Variants in SPAG16 observed in about 807,000 individuals in gnomAD.
SPAG16 encodes sperm-associated antigen 16 protein.
In SPAG16, 86 loss-of-function variants were observed where a neutral mutation model predicts 80.4. That is an observed-to-expected ratio of 1.07 (90% CI 0.90 to 1.28). SPAG16 has a LOEUF of 1.28. Ranked by LOEUF, SPAG16 falls within the 50% of genes most tolerant of loss-of-function variation. The pLI is 0.00. For synonymous variants in SPAG16, 294 were observed against 265.9 expected (o/e 1.11, Z -1.03); for missense variants, 870 against 765.3 (o/e 1.14, Z -1.61).
intron 10 of SPAG16, among the ~76,000 whole-genome samples, chr2:213,588,451 A>ATT (rs56944461): frequency 2.8e-5 from 4 of 144,100 alleles, no homozygotes; most frequent in Non-Finnish European, 1.5e-5. Flanking sequence ...TTTATTTGTG[A>ATT]TTTTTTTTTT....
At chr2:214,021,355 C>A (rs1206753839) in intron 13 of SPAG16, among the ~76,000 whole-genome samples, 1 of 152,178 alleles carries the variant, frequency 6.6e-6, no homozygotes, top group African/African-American at 2.4e-5. Flanking sequence ...ATTGGACTCA[C>A]AGTTTCAGGT....
At chr2:213,985,190 G>A (rs2045944712) in intron 12 of SPAG16, among the ~76,000 whole-genome samples, 1 of 152,040 alleles carries the variant, frequency 6.6e-6, no homozygotes, top group African/African-American at 2.4e-5. Flanking sequence ...AAATTAAGAA[G>A]TGGGTCCCTA....
At chr2:214,008,402 A>T (rs116537338) in intron 12 of SPAG16, among the ~76,000 whole-genome samples, 3,697 of 152,174 alleles carry the variant, frequency 0.024, 148 homozygotes, top group African/African-American at 0.085. Context: ...TGTATGGATT[A>T]CATTTTTACC....
chr2:214,166,280 C>A (rs2056652687), intron 15 of SPAG16, among the ~76,000 whole-genome samples: 1 of 152,172 alleles, frequency 6.6e-6, no homozygotes, highest in Admixed American at 6.5e-5. Context: ...ATTCTATGTT[C>A]TTCTCTGCCT....
In SPAG16 at chr2:213,564,922, C is replaced by T. The variant is rs141069282; in HGVS notation, c.1070+74832C>T. Among the ~76,000 whole-genome samples, 270 of 152,258 alleles carry T rather than the reference C, an allele frequency of 1.8e-3. 1 individual carries two copies. The highest frequency in any genetic ancestry group is 6.3e-3 in the African/African-American group (261 of 41,550). On this transcript the variant is annotated intron_variant, in intron 10 of 15. Transcript: ENST00000331683. ...CTGTAGTCTGGCTCCTGAGCCTGCA[C>T]ATTTAATTACATCACATTGAAAATA... is the stretch of plus-strand genomic sequence containing the variant.
At chr2:213,997,743 A>G (rs1461128044) in intron 12 of SPAG16, among the ~76,000 whole-genome samples, 1 of 152,234 alleles carries the variant, frequency 6.6e-6, no homozygotes, top group Non-Finnish European at 1.5e-5. Context: ...TGATGAGGTT[A>G]TAAAAAAATT....
chr2:213,937,378 T>C (rs1456309497), intron 12 of SPAG16, among the ~76,000 whole-genome samples: 3 of 152,034 alleles, frequency 2.0e-5, no homozygotes, highest in Non-Finnish European at 4.4e-5. Flanking sequence ...GCACCCAAGG[T>C]ATATATTAAT....
At chr2:214,194,728 C>A (rs2057775238) in intron 15 of SPAG16, among the ~76,000 whole-genome samples, 1 of 151,962 alleles carries the variant, frequency 6.6e-6, no homozygotes, top group Non-Finnish European at 1.5e-5. Flanking sequence ...TATAGTAGAT[C>A]ACAAAATTTG....
intron 10 of SPAG16, among the ~76,000 whole-genome samples, chr2:213,491,207 A>C (rs2074219886): frequency 1.3e-5 from 2 of 152,204 alleles, no homozygotes; most frequent in South Asian, 4.1e-4. Context: ...TTTCAATGTA[A>C]AACAAGTGCC....
At chr2:213,558,480 T>TG (rs1161259227) in intron 10 of SPAG16, among the ~76,000 whole-genome samples, 22 of 151,638 alleles carry the variant, frequency 1.5e-4, no homozygotes, top group African/African-American at 4.6e-4. Flanking sequence ...GAATTTTTTT[T>TG]TTGTGTTAGT....
At chr2:213,307,951 C>T (rs1478313146) in intron 3 of SPAG16, among the ~76,000 whole-genome samples, 1 of 152,126 alleles carries the variant, frequency 6.6e-6, no homozygotes, top group Admixed American at 6.6e-5. Context: ...TCCATGTAAA[C>T]ATTCTGTGCA....
At chr2:213,767,766 C>T (rs796558657) in intron 10 of SPAG16, among the ~76,000 whole-genome samples, 10 of 152,090 alleles carry the variant, frequency 6.6e-5, no homozygotes, top group South Asian at 6.2e-4. Context: ...ACTTTCTCCA[C>T]TGGAATAACT....
chr2:213,529,630 G>A (rs1028715582), intron 10 of SPAG16, among the ~76,000 whole-genome samples: 2 of 152,134 alleles, frequency 1.3e-5, no homozygotes, highest in Non-Finnish European at 2.9e-5. Context: ...ATAGGCTATT[G>A]CTCCTAGGCT....
At chr2:213,716,527 G>C (rs1031089504) in intron 10 of SPAG16, among the ~76,000 whole-genome samples, 11 of 152,124 alleles carry the variant, frequency 7.2e-5, no homozygotes, top group Admixed American at 2.6e-4. Context: ...CCTTAACCAG[G>C]AAGCTATTGT....
At chr2:213,743,468 C>T (rs1323897303) in intron 10 of SPAG16, among the ~76,000 whole-genome samples, 1 of 152,026 alleles carries the variant, frequency 6.6e-6, no homozygotes, top group Non-Finnish European at 1.5e-5. Context: ...CTGATGTGCT[C>T]CCTTATTTTT....
At chr2:214,030,521 G>T (rs6756845) in intron 13 of SPAG16, among the ~76,000 whole-genome samples, 58,962 of 151,892 alleles carry the variant, frequency 0.39, 12,875 homozygotes, top group Admixed American at 0.5. Context: ...TATGTATATG[G>T]TATAAAGAGG....
intron 12 of SPAG16, among the ~76,000 whole-genome samples, chr2:214,012,281 TATATA>T (rs1227238049): frequency 9.3e-4 from 55 of 59,238 alleles, no homozygotes; most frequent in African/African-American, 3.3e-3. Flanking sequence ...TATATATATA[TATATA>T]TATTTTTTTT....
At chr2:213,717,308 G>A (rs1213841014) in intron 10 of SPAG16, among the ~76,000 whole-genome samples, 5 of 151,842 alleles carry the variant, frequency 3.3e-5, no homozygotes, top group Admixed American at 1.3e-4. Flanking sequence ...ACAGGCGCCC[G>A]CCACCAAGCC....
chr2:213,334,798 G>C (rs2064270835), intron 5 of SPAG16, among the ~76,000 whole-genome samples: 1 of 152,182 alleles, frequency 6.6e-6, no homozygotes, highest in Non-Finnish European at 1.5e-5. Flanking sequence ...ATGGTTGCCA[G>C]AGACTGGGAA....
Sources: allele counts gnomAD v4.1 joint callset (sites outside exome capture counted in the v4.1 genomes callset), GRCh38; gene constraint gnomAD v4.1.1; transcripts MANE v1.5; gene names NCBI Gene and HGNC (gene_info 2026-07-23, HGNC 2026-07-21).